SGMS1: variants seen among roughly 807,000 people sequenced by gnomAD.
SGMS1 encodes the protein sphingomyelin synthase 1, also known as phosphatidylcholine:ceramide cholinephosphotransferase 1.
Under a neutral mutation model 46.2 loss-of-function variants are expected in SGMS1, and 13 were observed. The observed-to-expected ratio is 0.28, with a 90% CI of 0.18 to 0.45. The LOEUF is 0.45. Among genes scored for constraint, SGMS1 ranks in the 20% least tolerant of loss-of-function variants. SGMS1 has a pLI of 1.00. For synonymous variants in SGMS1, 203 were observed against 187.8 expected, an observed-to-expected ratio of 1.08 and a Z score of -0.66; for missense variants, 324 against 519.9, an observed-to-expected ratio of 0.62 and a Z score of 3.66.
chr10:50,509,232 A>T (rs1224836640), intron 3 of SGMS1, among the ~76,000 whole-genome samples: 1 of 152,218 alleles, frequency 6.6e-6, no homozygotes, highest in Non-Finnish European at 1.5e-5. Context: ...CTTCTTTCAA[A>T]ATCATATCTT....
intron 6 of SGMS1, among the ~76,000 whole-genome samples, chr10:50,398,838 A>G (rs1369684797): frequency 6.6e-6 from 1 of 152,126 alleles, no homozygotes; most frequent in East Asian, 1.9e-4. Flanking sequence ...GTACCCTAAT[A>G]TAATAGACAG....
At chr10:50,518,405 C>A (rs1418589246) in intron 3 of SGMS1, among the ~76,000 whole-genome samples, 3 of 152,082 alleles carry the variant, frequency 2.0e-5, no homozygotes, top group Non-Finnish European at 4.4e-5. Flanking sequence ...CAAAGATTAG[C>A]AATAAAAATG....
At chr10:50,357,440 G>T (rs77761418) in intron 6 of SGMS1, among the ~76,000 whole-genome samples, 2,362 of 152,128 alleles carry the variant, frequency 0.016, 72 homozygotes, top group African/African-American at 0.054. Context: ...ACAAGACAGG[G>T]TTAACAATTT....
At chr10:50,510,264 C>T (rs1429211585) in intron 3 of SGMS1, among the ~76,000 whole-genome samples, 1 of 152,142 alleles carries the variant, frequency 6.6e-6, no homozygotes, top group Non-Finnish European at 1.5e-5. Flanking sequence ...AATAGGCATA[C>T]CAGTTTGTTT....
chr10:50,437,625 G>A (rs913835193), intron 5 of SGMS1, among the ~76,000 whole-genome samples: 1 of 152,190 alleles, frequency 6.6e-6, no homozygotes, highest in Non-Finnish European at 1.5e-5. Context: ...CTGAAGAAAA[G>A]AGGAAGATAA....
intron 2 of SGMS1, among the ~76,000 whole-genome samples, chr10:50,540,028 T>C (rs1838038206): frequency 6.6e-6 from 1 of 152,212 alleles, no homozygotes; most frequent in African/African-American, 2.4e-5. Flanking sequence ...TATTTGAATA[T>C]GCTCTACTAA....
At chr10:50,574,961 G>GCATATATATATATATATATATATA (rs1838367751) in intron 2 of SGMS1, among the ~76,000 whole-genome samples, 2 of 45,294 alleles carry the variant, frequency 4.4e-5, no homozygotes, top group Non-Finnish European at 8.8e-5. Flanking sequence ...GGAAAATGTG[G>GCATATATATATATATATATATATA]TGTATATATA....
chr10:50,357,957 A>C (rs369342059), intron 6 of SGMS1, among the ~76,000 whole-genome samples: 2 of 152,174 alleles, frequency 1.3e-5, no homozygotes, highest in African/African-American at 4.8e-5. Context: ...ATAGTGAACC[A>C]AACTTTTGGC....
upstream of SGMS1, chr10:50,624,125 G>A: frequency 2.5e-5 from 25 of 985,386 alleles, no homozygotes; most frequent in Non-Finnish European, 3.0e-5. Flanking sequence ...GTCGCAGTTT[G>A]GGCCCCTTGA....
intron 2 of SGMS1, among the ~76,000 whole-genome samples, chr10:50,568,701 AG>A (rs1159090574): frequency 6.6e-6 from 1 of 152,224 alleles, no homozygotes; most frequent in Non-Finnish European, 1.5e-5. Context: ...TTTTGTTAAA[AG>A]ATAGTACACA....
rs572909846 is a variant in SGMS1 at position 50,428,209 on chromosome 10, C to T, written c.-232+5267G>A. ...TGTGGACATGGAGTCCACTCCATGT[C>T]CTCTTCACTCAAAGACCAGGGCAGA... On this transcript the variant is annotated intron_variant, in intron 6 of 10. Coordinates refer to ENST00000361781, the MANE Select transcript of SGMS1 (RefSeq NM_147156.4). Among the ~76,000 whole-genome samples, 10 of 152,190 alleles carry T rather than the reference C, an allele frequency of 6.6e-5. No homozygotes were observed. The South Asian group carries it at 1.5e-3, about 22-fold the overall frequency.
At chr10:50,587,525 C>T (rs546685929) in intron 2 of SGMS1, among the ~76,000 whole-genome samples, 2 of 152,118 alleles carry the variant, frequency 1.3e-5, no homozygotes, top group African/African-American at 4.8e-5. Flanking sequence ...CCCAGCTACT[C>T]GGGAGGAAGA....
chr10:50,383,984 T>TA (rs1848645818), intron 6 of SGMS1, among the ~76,000 whole-genome samples: 1 of 152,150 alleles, frequency 6.6e-6, no homozygotes, highest in Admixed American at 6.5e-5. Context: ...TCAGTGCCCT[T>TA]ATAAAGGAGA....
chr10:50,437,524 T>C (rs1024476919), intron 5 of SGMS1, among the ~76,000 whole-genome samples: 1 of 152,126 alleles, frequency 6.6e-6, no homozygotes. Flanking sequence ...ACTGTGTCCC[T>C]GGCAAAGAGA....
chr10:50,605,916 T>A (rs73318780), intron 1 of SGMS1, among the ~76,000 whole-genome samples: 8,916 of 152,226 alleles, frequency 0.059, 733 homozygotes, highest in East Asian at 0.36. Flanking sequence ...TTCACCCTTC[T>A]GAGTCTCCAT....
intron 3 of SGMS1, among the ~76,000 whole-genome samples, chr10:50,483,158 C>A (rs1322300145): frequency 6.6e-6 from 1 of 152,232 alleles, no homozygotes; most frequent in Non-Finnish European, 1.5e-5. Context: ...CGGCTCACTA[C>A]AACCTCTGCC....
intron 5 of SGMS1, among the ~76,000 whole-genome samples, chr10:50,441,395 C>T (rs1391117011): frequency 6.6e-6 from 1 of 152,142 alleles, no homozygotes; most frequent in East Asian, 1.9e-4. Flanking sequence ...ATCCATTGGT[C>T]CCAAAATTGG....
chr10:50,585,328 C>T (rs1322770503), intron 2 of SGMS1, among the ~76,000 whole-genome samples: 3 of 152,244 alleles, frequency 2.0e-5, no homozygotes, highest in African/African-American at 7.2e-5. Context: ...TGGCTACCTT[C>T]AAACAGTCTG....
chr10:50,382,868 C>G (rs959673060), intron 6 of SGMS1, among the ~76,000 whole-genome samples: 2 of 152,160 alleles, frequency 1.3e-5, no homozygotes, highest in African/African-American at 4.8e-5. Flanking sequence ...TAGCACCACA[C>G]TATGCTAGCT....
Sources: allele counts gnomAD v4.1 joint callset (sites outside exome capture counted in the v4.1 genomes callset), GRCh38; gene constraint gnomAD v4.1.1; transcripts MANE v1.5; gene names NCBI Gene and HGNC (gene_info 2026-07-23, HGNC 2026-07-21).